KPNA2: variants seen among roughly 807,000 people sequenced by gnomAD.
The protein encoded by KPNA2 is karyopherin subunit alpha 2.
Under a neutral mutation model 53.7 loss-of-function variants are expected in KPNA2, and 20 were observed. The ratio of observed to expected loss-of-function variants is 0.37; its 90% confidence interval spans 0.26 to 0.54. The LOEUF (loss-of-function observed/expected upper bound fraction) is 0.54, where lower values mean the gene tolerates loss of function less well. Ranked by LOEUF, KPNA2 falls within the 20% of genes least tolerant of loss-of-function variation. The pLI is 0.83. For synonymous variants in KPNA2, 238 were observed against 227.5 expected (o/e 1.05, Z -0.42); for missense variants, 515 against 640.3 (o/e 0.80, Z 2.11).
Position 68,043,339 on chromosome 17 carries a change from A to C in KPNA2, c.906A>C (p.Leu302=). Residue 302 remains leucine, a synonymous_variant, in exon 7 of 11, where the codon CTA becomes CTC. Transcript: ENST00000330459. ...TGVVPQLVKL[L]GASELPIVTP... The stretch of plus-strand genomic sequence containing the variant: ...TTGTGCCCCAACTTGTGAAGCTTCT[A>C]GGAGCTTCTGAATTGCCAATTGTGG... 1 of 1,614,156 alleles carries C rather than the reference A, an allele frequency of 6.2e-7. No individual in the cohort carries two copies. Among genetic ancestry groups the C allele is most frequent in the South Asian group, 1.1e-5 (1 of 91,086 alleles).
At chr17:68,040,104 C>G (rs1187278383) in intron 3 of KPNA2, among the ~76,000 whole-genome samples, 2 of 151,678 alleles carry the variant, frequency 1.3e-5, no homozygotes, top group African/African-American at 4.8e-5. Flanking sequence ...AGAAAATCCT[C>G]AGAACGTTGC....
Position 68,042,943 on chromosome 17 carries a change from G to GGT in KPNA2, c.612_613dup (p.Ala205ValfsTer18), listed in dbSNP as rs1555704805. The GGT allele has an allele frequency of 6.2e-7, 1 of 1,613,240 alleles. No homozygotes were observed. The highest frequency in any genetic ancestry group is 8.5e-7 in the Non-Finnish European group (1 of 1,179,788). On this transcript the variant is annotated frameshift_variant, in exon 6 of 11. Coordinates refer to ENST00000330459, the MANE Select transcript of KPNA2 (RefSeq NM_002266.4). LOFTEE classifies it high-confidence loss of function. ...GTTCCGAGACTTGGTTATTAAGTAC[G>GGT]GTGCAGTTGACCCACTGTTGGCTCT...
Position 68,044,059 on chromosome 17 carries a change from T to C in KPNA2, c.1152T>C (p.Ser384=), listed in dbSNP as rs1136739. 11,883 of 1,611,560 alleles carry C rather than the reference T, an allele frequency of 7.4e-3. 731 individuals carry two copies. The African/African-American group carries it at 0.13, about 18-fold the overall frequency. ...VNHGLVPFLV[S]VLSKADFKTQ... is the part of the protein sequence containing the mutation. ...ATGGATTAGTCCCATTCCTTGTCAG[T>C]GTTCTCTCTAAGGTAACGAAGTCTT... The change falls in exon 8 of 11, where the codon AGT becomes AGC. Residue 384 remains serine (S), a synonymous_variant. Coordinates refer to ENST00000330459, the MANE Select transcript of KPNA2 (RefSeq NM_002266.4).
At position 68,037,397 on chromosome 17, in the gene KPNA2, A is replaced by C; in HGVS notation, c.115A>C (p.Arg39=). Reference sequence around the variant, plus strand: ...CAGAATAGAGGTCAATGTGGAGCTGAGGAAAGCTAAGAAGGATGACCAGAT... The same window carrying C: ...CAGAATAGAGGTCAATGTGGAGCTGCGGAAAGCTAAGAAGGATGACCAGAT... ...RRRIEVNVEL[R]KAKKDDQMLK... Residue 39 remains arginine (R), a synonymous_variant, in exon 3 of 11, where the codon AGG becomes CGG. Coordinates refer to ENST00000330459, the MANE Select transcript of KPNA2 (RefSeq NM_002266.4). 6.2e-7 allele frequency: 1 copy of C among 1,614,112 alleles called. No homozygotes were observed. Among genetic ancestry groups the C allele is most frequent in the Non-Finnish European group, 8.5e-7 (1 of 1,179,962 alleles).
chr17:68,037,578 A>C, intron 3 of KPNA2, 83 bp downstream of exon 3: 1 of 1,317,818 alleles, frequency 7.6e-7, no homozygotes, highest in African/African-American at 1.5e-5. Context: ...AGTAAACTTA[A>C]CATTTCTAGT....
At chr17:68,041,199 T>C (rs908907979) in intron 4 of KPNA2, among the ~76,000 whole-genome samples, 4 of 152,248 alleles carry the variant, frequency 2.6e-5, no homozygotes, top group Non-Finnish European at 4.4e-5. Context: ...ATTTATGATA[T>C]AATAGAAAGG....
intron 9 of KPNA2, 88 bp downstream of exon 9, chr17:68,044,591 T>C (rs1555705190): frequency 1.9e-6 from 2 of 1,031,190 alleles, no homozygotes; most frequent in Non-Finnish European, 2.9e-6. Flanking sequence ...AGCTGTAAGT[T>C]TACTCACTAG....
chr17:68,039,458 G>A (rs1413701801), intron 3 of KPNA2, among the ~76,000 whole-genome samples: 3 of 151,190 alleles, frequency 2.0e-5, no homozygotes, highest in Admixed American at 1.3e-4. Context: ...ACACTTAACC[G>A]TGGAAATATG....
chr17:68,040,273 T>A (rs2071243298), intron 3 of KPNA2, among the ~76,000 whole-genome samples: 1 of 150,586 alleles, frequency 6.6e-6, no homozygotes, highest in Non-Finnish European at 1.5e-5. Context: ...TTTTTTTTTT[T>A]TTTTTTTTTG....
In KPNA2 at chr17:68,042,338, C is replaced by G; in HGVS notation, c.556C>G (p.Leu186Val). The change falls in exon 5 of 11, where the codon CTA becomes GTA. Residue 186 changes from leucine to valine, a missense_variant. Coordinates refer to ENST00000330459, the MANE Select transcript of KPNA2 (RefSeq NM_002266.4). ...CATCAGTGAACAAGCTGTCTGGGCTCTAGGAAACATTGCAGGTACTTGGAC... is the reference window on the plus strand; with the variant it reads ...CATCAGTGAACAAGCTGTCTGGGCTGTAGGAAACATTGCAGGTACTTGGAC... ...AHISEQAVWA[L>V]GNIAGDGSVF... 1.2e-6 allele frequency: 2 copies of G among 1,614,006 alleles called. No individual in the cohort carries two copies. The highest frequency in any genetic ancestry group is 1.1e-5 in the South Asian group (1 of 91,072).
intron 4 of KPNA2, among the ~76,000 whole-genome samples, chr17:68,041,491 G>A (rs908974641): frequency 3.9e-5 from 6 of 152,304 alleles, no homozygotes; most frequent in Admixed American, 2.6e-4. Context: ...CCCAGCAGGC[G>A]GAGGTTGCAG....
rs574233625 is a variant in KPNA2, at chr17:68,040,916, AT to A, written c.302+157del. ...GCCAAATAGTATTTTTTATTTATTA[AT>A]TTTTTTGAGAGGGGAGGCCTTGCTA... On this transcript the variant is annotated intron_variant, in intron 4 of 10. Coordinates refer to ENST00000330459, the MANE Select transcript of KPNA2 (RefSeq NM_002266.4). 357 of 555,300 alleles carry A rather than the reference AT, an allele frequency of 6.4e-4. 2 individuals carry two copies. Among genetic ancestry groups the A allele is most frequent in the African/African-American group, 6.1e-3 (319 of 52,558 alleles). 34.4% of individuals were successfully genotyped at this position (555,300 alleles called of 1,614,324 possible). A position where few individuals can be genotyped will look rare whatever the true frequency, so the allele number is the denominator to read the frequency against.
chr17:68,043,596 C>G (rs1398487427), intron 7 of KPNA2, among the ~76,000 whole-genome samples: 1 of 151,244 alleles, frequency 6.6e-6, no homozygotes, highest in Non-Finnish European at 1.5e-5. Flanking sequence ...ATCTCAACTA[C>G]TCGGGAGGCT....
At chr17:68,036,287 A>G (rs897147591) in intron 1 of KPNA2, 2 of 152,218 alleles carry the variant, frequency 1.3e-5, no homozygotes, top group Admixed American at 6.5e-5. Flanking sequence ...AAAGATAGCA[A>G]ATTGTAAGGA....
chr17:68,046,001 T>C (rs1568278678), intron 10 of KPNA2, 80 bp downstream of exon 10: 7 of 877,338 alleles, frequency 8.0e-6, no homozygotes, highest in East Asian at 2.6e-5. Context: ...CTTTTAAAAA[T>C]AAGTGTCATA....
chr17:68,046,650 A>C lies in KPNA2; in HGVS notation c.*54A>C, dbSNP rs1802811. 7 of 1,111,172 alleles carry C rather than the reference A, an allele frequency of 6.3e-6. No homozygotes were observed. Among genetic ancestry groups the C allele is most frequent in the African/African-American group, 6.2e-5 (4 of 64,008 alleles). The allele number at this position is 1,111,172 out of a possible 1,614,324, so 68.8% of individuals were successfully genotyped here. On this transcript the variant is annotated 3_prime_UTR_variant, in exon 11 of 11. Transcript: ENST00000330459. ...TGTACTACGTTTGGTATTTTGTCTT[A>C]TTGTTTCTCTACTAAGAACTCTTTC...
At chr17:68,041,924 G>C (rs1555704607) in intron 4 of KPNA2, among the ~76,000 whole-genome samples, 161 bp from the exon 5 acceptor site, 2 of 152,206 alleles carry the variant, frequency 1.3e-5, no homozygotes, top group East Asian at 3.8e-4. Flanking sequence ...CAAGTAATCT[G>C]TTCAGCTTCT....
intron 9 of KPNA2, 59 bp from the exon 10 acceptor site, chr17:68,045,713 T>A (rs2071320121): frequency 7.9e-7 from 1 of 1,272,842 alleles, no homozygotes; most frequent in Non-Finnish European, 1.1e-6. Flanking sequence ...ATTGATGTTT[T>A]CTTCATTAAA....
At chr17:68,042,055 A>G (rs1201317779) in intron 4 of KPNA2, 30 bp from the exon 5 acceptor site, 3 of 1,579,518 alleles carry the variant, frequency 1.9e-6, no homozygotes, top group Non-Finnish European at 2.6e-6. Flanking sequence ...ATCACTGTCA[A>G]CTTTTATTTC....
Sources: allele counts gnomAD v4.1 joint callset (sites outside exome capture counted in the v4.1 genomes callset), GRCh38; gene constraint gnomAD v4.1.1; transcripts MANE v1.5; gene names NCBI Gene and HGNC (gene_info 2026-07-23, HGNC 2026-07-21).